Variants in PAFAH1B1 observed in about 807,000 individuals in gnomAD.
PAFAH1B1 encodes the protein platelet activating factor acetylhydrolase 1b regulatory subunit 1, also known as platelet-activating factor acetylhydrolase IB subunit beta.
PAFAH1B1 carries 2 observed loss-of-function variants against 57.5 expected under a neutral mutation model. The observed-to-expected ratio is 0.03, with a 90% confidence interval of 0.01 to 0.11. The LOEUF (loss-of-function observed/expected upper bound fraction) is 0.11. Among genes scored for constraint, PAFAH1B1 ranks in the 10% least tolerant of loss-of-function variants. The probability of loss-of-function intolerance (pLI) is 1.00; values close to 1 mark genes in which losing one functional copy is unlikely to be tolerated. For missense variants in PAFAH1B1, 257 were observed against 512.0 expected, an observed-to-expected ratio of 0.50 and a Z score of 4.81; for synonymous variants, 152 against 169.6, an observed-to-expected ratio of 0.90 and a Z score of 0.81.
Position 2,638,312 on chromosome 17 carries a change from A to G in PAFAH1B1, c.24A>G (p.Arg8=). 1 of 1,613,066 alleles carries G rather than the reference A, an allele frequency of 6.2e-7. No individual in the cohort carries two copies. The highest frequency in any genetic ancestry group is 8.5e-7 in the Non-Finnish European group (1 of 1,179,574). Residue 8 remains arginine, a synonymous_variant, in exon 2 of 11, where the codon CGA becomes CGG. Transcript: ENST00000397195. MVLSQRQ[R]DELNRAIADY... is the part of the protein sequence containing the mutation. ...AGATGGTGCTGTCCCAGAGACAACGAGATGAACTGTAAGTTTCTTTGTTTT... is the reference window on the plus strand; with the variant it reads ...AGATGGTGCTGTCCCAGAGACAACGGGATGAACTGTAAGTTTCTTTGTTTT...
intron 1 of PAFAH1B1, among the ~76,000 whole-genome samples, chr17:2,631,055 A>G (rs2068549198): frequency 1.3e-5 from 2 of 152,176 alleles, no homozygotes; most frequent in South Asian, 4.1e-4. Flanking sequence ...AGCCTGACCA[A>G]CATGGTGAAA....
intron 9 of PAFAH1B1, chr17:2,679,906 G>T: frequency 2.1e-6 from 1 of 479,602 alleles, no homozygotes; most frequent in Non-Finnish European, 3.7e-6. Flanking sequence ...TACATATTGA[G>T]ATTTGTTCTT....
intron 1 of PAFAH1B1, among the ~76,000 whole-genome samples, chr17:2,621,606 T>G (rs895080514): frequency 1.5e-5 from 1 of 66,768 alleles, no homozygotes; most frequent in Non-Finnish European, 2.5e-5. Context: ...AGATAATCTG[T>G]CTTTTTTTTT....
chr17:2,620,017 C>A (rs990659975), intron 1 of PAFAH1B1, among the ~76,000 whole-genome samples: 14 of 152,182 alleles, frequency 9.2e-5, no homozygotes, highest in African/African-American at 3.4e-4. Flanking sequence ...TTTTGAACTC[C>A]TGGATTGAAG....
chr17:2,629,929 C>T (rs2068534832), intron 1 of PAFAH1B1, among the ~76,000 whole-genome samples: 1 of 152,104 alleles, frequency 6.6e-6, no homozygotes, highest in African/African-American at 2.4e-5. Flanking sequence ...TGTCCATTTG[C>T]ATGAAATGCC....
Position 2,682,021 on chromosome 17 carries a change from G to A in PAFAH1B1, c.*219G>A. 2.0e-6 allele frequency: 1 copy of A among 501,404 alleles called. No individual in the cohort carries two copies. Among genetic ancestry groups the A allele is most frequent in the Middle Eastern group, 5.2e-4 (1 of 1,920 alleles). 31.1% of individuals were successfully genotyped at this position (501,404 alleles called of 1,614,324 possible). On this transcript the variant is annotated 3_prime_UTR_variant, in exon 11 of 11. Coordinates refer to ENST00000397195, the MANE Select transcript of PAFAH1B1 (RefSeq NM_000430.4). Reference sequence around the variant, plus strand: ...CATACGTTGTCTAGAAGTACCATAGGGTTTAAAAACCTGGGCTGGCATTGG... The same window carrying A: ...CATACGTTGTCTAGAAGTACCATAGAGTTTAAAAACCTGGGCTGGCATTGG...
At chr17:2,658,573 C>G (rs751426956) in intron 2 of PAFAH1B1, among the ~76,000 whole-genome samples, 1 of 152,104 alleles carries the variant, frequency 6.6e-6, no homozygotes, top group Non-Finnish European at 1.5e-5. Flanking sequence ...TGAGACCCAG[C>G]CGTCTGATGA....
chr17:2,649,642 G>C (rs1339363190), intron 2 of PAFAH1B1, among the ~76,000 whole-genome samples: 1 of 152,096 alleles, frequency 6.6e-6, no homozygotes, highest in Admixed American at 6.6e-5. Flanking sequence ...CTTGTTTCTG[G>C]ATGAAAAAGT....
chr17:2,632,605 A>C (rs2068568849), intron 1 of PAFAH1B1, among the ~76,000 whole-genome samples: 1 of 152,300 alleles, frequency 6.6e-6, no homozygotes, highest in South Asian at 2.1e-4. Flanking sequence ...GCATCTGTGA[A>C]TTCAATCCCG....
chr17:2,645,019 A>G (rs1428625094), intron 2 of PAFAH1B1, among the ~76,000 whole-genome samples: 3 of 151,994 alleles, frequency 2.0e-5, no homozygotes, highest in South Asian at 2.1e-4. Flanking sequence ...GGCCGAAGTG[A>G]GAGAATGGCT....
chr17:2,632,447 T>C (rs994453347), intron 1 of PAFAH1B1, among the ~76,000 whole-genome samples: 17 of 152,262 alleles, frequency 1.1e-4, no homozygotes, highest in African/African-American at 3.9e-4. Context: ...TCCAGAGGTT[T>C]CCCTTTCTAT....
chr17:2,668,597 T>G (rs35606899), intron 5 of PAFAH1B1, among the ~76,000 whole-genome samples: 1 of 151,718 alleles, frequency 6.6e-6, no homozygotes, highest in African/African-American at 2.4e-5. Flanking sequence ...GAGGATCACA[T>G]GAGCCTGGGA....
intron 1 of PAFAH1B1, among the ~76,000 whole-genome samples, chr17:2,597,139 G>A (rs2068091814): frequency 6.6e-6 from 1 of 152,134 alleles, no homozygotes; most frequent in Non-Finnish European, 1.5e-5. Context: ...AAGATAATTT[G>A]ACTTAAGGAG....
At chr17:2,662,757 G>A (rs1293932357) in intron 2 of PAFAH1B1, among the ~76,000 whole-genome samples, 3 of 152,070 alleles carry the variant, frequency 2.0e-5, no homozygotes, top group Admixed American at 1.3e-4. Flanking sequence ...TTTTACTTCT[G>A]TGTGAATTTC....
At position 2,670,273 on chromosome 17, in the gene PAFAH1B1, A is replaced by C. The variant is rs1461891476; in HGVS notation, c.510A>C (p.Ala170=). 1 of 1,614,198 alleles carries C rather than the reference A, an allele frequency of 6.2e-7. No individual in the cohort carries two copies. Among genetic ancestry groups the C allele is most frequent in the East Asian group, 2.2e-5 (1 of 44,882 alleles). ...GCAAGCTTCTGGCTTCCTGTTCTGC[A>C]GATATGACCATTAAACTATGGGATT... ...HSGKLLASCS[A]DMTIKLWDFQ... The change falls in exon 6 of 11, where the codon GCA becomes GCC. Residue 170 remains alanine (A), a synonymous_variant. Transcript: ENST00000397195.
intron 1 of PAFAH1B1, 141 bp from the exon 2 acceptor site, chr17:2,637,958 T>C (rs1345188096): frequency 4.8e-6 from 2 of 419,646 alleles, no homozygotes; most frequent in East Asian, 6.8e-5. Flanking sequence ...TAGTTGACTT[T>C]CACTATAAGT....
At chr17:2,603,235 C>G (rs2151609719) in intron 1 of PAFAH1B1, among the ~76,000 whole-genome samples, 1 of 152,256 alleles carries the variant, frequency 6.6e-6, no homozygotes, top group African/African-American at 2.4e-5. Flanking sequence ...TACAACTCTG[C>G]AAATCCTGGG....
At chr17:2,603,787 C>G (rs1016319538) in intron 1 of PAFAH1B1, among the ~76,000 whole-genome samples, 20 of 150,492 alleles carry the variant, frequency 1.3e-4, no homozygotes, top group Non-Finnish European at 2.4e-4. Flanking sequence ...GTCGCCTAGA[C>G]TGGAGTGCAG....
intron 2 of PAFAH1B1, among the ~76,000 whole-genome samples, chr17:2,659,780 A>T (rs2068991022): frequency 6.6e-6 from 1 of 152,088 alleles, no homozygotes; most frequent in African/African-American, 2.4e-5. Context: ...GGCTTCAGTG[A>T]GCCGAGATCA....
Sources: gnomAD v4.1 joint callset for allele counts (sites outside exome capture counted in the v4.1 genomes callset) on GRCh38, gnomAD v4.1.1 for gene constraint, MANE v1.5 for transcripts, NCBI Gene and HGNC (gene_info 2026-07-23, HGNC 2026-07-21) for gene names.